Variants in TAOK3 observed in about 807,000 individuals in gnomAD.
The protein encoded by TAOK3 is TAO kinase 3.
Under a neutral mutation model 120.4 loss-of-function variants are expected in TAOK3, and 40 were observed. The ratio of observed to expected loss-of-function variants is 0.33; its 90% confidence interval spans 0.26 to 0.43. The LOEUF is 0.43. Among genes scored for constraint, TAOK3 ranks in the 20% least tolerant of loss-of-function variants. TAOK3 has a pLI of 1.00. For synonymous variants in TAOK3, 355 were observed against 387.5 expected (o/e 0.92, Z 0.99); for missense variants, 821 against 1,112.1 (o/e 0.74, Z 3.72).
chr12:118,213,563 C>T (rs1302097314), intron 10 of TAOK3, among the ~76,000 whole-genome samples: 2 of 151,984 alleles, frequency 1.3e-5, no homozygotes, highest in African/African-American at 4.8e-5. Context: ...GCAAGGAACA[C>T]TGTATCTGAA....
chr12:118,235,462 G>T, intron 8 of TAOK3, 96 bp downstream of exon 8: 1 of 876,238 alleles, frequency 1.1e-6, no homozygotes, highest in Non-Finnish European at 1.8e-6. Flanking sequence ...AGGCATATTG[G>T]TAAGACACTG....
At chr12:118,272,083 A>G (rs564945472) in intron 1 of TAOK3, among the ~76,000 whole-genome samples, 1 of 152,340 alleles carries the variant, frequency 6.6e-6, no homozygotes, top group East Asian at 1.9e-4. Context: ...TAAGAAATGG[A>G]AACCTTCTAA....
chr12:118,317,908 C>T (rs1183658807), intron 1 of TAOK3, among the ~76,000 whole-genome samples: 1 of 152,042 alleles, frequency 6.6e-6, no homozygotes, highest in African/African-American at 2.4e-5. Flanking sequence ...CAGTACTGGC[C>T]TAAGGACAGA....
intron 3 of TAOK3, chr12:118,246,213 C>G (rs890665687): frequency 9.4e-5 from 137 of 1,454,682 alleles, no homozygotes; most frequent in Non-Finnish European, 1.2e-4. Context: ...TGGACGGGGC[C>G]GGGGCCGAGG....
At chr12:118,152,607 A>G in intron 19 of TAOK3, 198 bp from the exon 20 acceptor site, 1 of 544,064 alleles carries the variant, frequency 1.8e-6, no homozygotes, top group Non-Finnish European at 3.3e-6. Flanking sequence ...ACAATACCAA[A>G]CACATTCTTT....
At chr12:118,270,896 C>T (rs925310721) in intron 1 of TAOK3, among the ~76,000 whole-genome samples, 1 of 152,040 alleles carries the variant, frequency 6.6e-6, no homozygotes, top group Non-Finnish European at 1.5e-5. Flanking sequence ...CCAGGATGAT[C>T]TCGATCTTCT....
intron 1 of TAOK3, among the ~76,000 whole-genome samples, chr12:118,337,957 A>G (rs1222760720): frequency 6.6e-6 from 1 of 152,238 alleles, no homozygotes; most frequent in Non-Finnish European, 1.5e-5. Flanking sequence ...TGGCTGTGAT[A>G]CCATCTTATA....
intron 2 of TAOK3, among the ~76,000 whole-genome samples, 178 bp downstream of exon 2, chr12:118,266,477 C>T (rs2041455601): frequency 6.6e-6 from 1 of 152,092 alleles, no homozygotes; most frequent in Non-Finnish European, 1.5e-5. Flanking sequence ...GCTGGGATTA[C>T]AGGCATGAGC....
chr12:118,340,275 A>C (rs2044559348), intron 1 of TAOK3, among the ~76,000 whole-genome samples: 1 of 152,224 alleles, frequency 6.6e-6, no homozygotes, highest in Non-Finnish European at 1.5e-5. Flanking sequence ...TTCCCTCCCA[A>C]GAGCAAAAAA....
At chr12:118,360,644 A>G (rs2045567265) in intron 1 of TAOK3, among the ~76,000 whole-genome samples, 1 of 152,066 alleles carries the variant, frequency 6.6e-6, no homozygotes, top group Non-Finnish European at 1.5e-5. Context: ...GCAGGGCACT[A>G]TTCTAGGCAC....
At chr12:118,153,911 A>G (rs2034626994) in intron 19 of TAOK3, among the ~76,000 whole-genome samples, 1 of 152,256 alleles carries the variant, frequency 6.6e-6, no homozygotes, top group Non-Finnish European at 1.5e-5. Context: ...AATAAATTAC[A>G]TAATCATATT....
At chr12:118,271,952 G>A (rs2041715568) in intron 1 of TAOK3, among the ~76,000 whole-genome samples, 1 of 152,204 alleles carries the variant, frequency 6.6e-6, no homozygotes, top group African/African-American at 2.4e-5. Flanking sequence ...ACTGCGCCAA[G>A]AATGTAGTAT....
chr12:118,264,191 A>G (rs1351214959), intron 2 of TAOK3, among the ~76,000 whole-genome samples: 1 of 152,240 alleles, frequency 6.6e-6, no homozygotes, highest in African/African-American at 2.4e-5. Flanking sequence ...TAAAAAGTTA[A>G]ACATACACCT....
chr12:118,317,102 A>C (rs191892737), intron 1 of TAOK3, among the ~76,000 whole-genome samples: 361 of 152,038 alleles, frequency 2.4e-3, no homozygotes, highest in Non-Finnish European at 4.2e-3. Flanking sequence ...GTCTCTATTA[A>C]AAATACAAAA....
At chr12:118,262,455 C>T (rs897282631) in intron 2 of TAOK3, among the ~76,000 whole-genome samples, 10 of 151,696 alleles carry the variant, frequency 6.6e-5, no homozygotes, top group Non-Finnish European at 1.3e-4. Context: ...ACACTCTAGC[C>T]GGGGCGACAG....
At chr12:118,264,202 A>G (rs1032546423) in intron 2 of TAOK3, among the ~76,000 whole-genome samples, 2 of 152,234 alleles carry the variant, frequency 1.3e-5, no homozygotes, top group Admixed American at 6.6e-5. Flanking sequence ...ACATACACCT[A>G]TCATATGATG....
chr12:118,240,076 G>T (rs2040179981), intron 5 of TAOK3, among the ~76,000 whole-genome samples: 2 of 152,168 alleles, frequency 1.3e-5, no homozygotes, highest in Admixed American at 6.5e-5. Context: ...GCTAAGGACG[G>T]AGAATCGCTG....
At chr12:118,226,913 C>T (rs921554081) in intron 9 of TAOK3, among the ~76,000 whole-genome samples, 3 of 152,142 alleles carry the variant, frequency 2.0e-5, no homozygotes, top group African/African-American at 7.2e-5. Context: ...ATGTCAACTG[C>T]TGTTGACATT....
At chr12:118,230,480 T>G (rs2039719954) in intron 9 of TAOK3, among the ~76,000 whole-genome samples, 1 of 134,716 alleles carries the variant, frequency 7.4e-6, no homozygotes, top group South Asian at 2.6e-4. Context: ...TTTTTTTTTT[T>G]TTTTTTTTTG....
Sources: gnomAD v4.1 joint callset for allele counts (sites outside exome capture counted in the v4.1 genomes callset) on GRCh38, gnomAD v4.1.1 for gene constraint, MANE v1.5 for transcripts, NCBI Gene and HGNC (gene_info 2026-07-23, HGNC 2026-07-21) for gene names.